Variants in CCDC60 observed in about 807,000 individuals in gnomAD.
CCDC60 encodes coiled-coil domain-containing protein 60.
In CCDC60, 54 loss-of-function variants were observed where a neutral mutation model predicts 63.5. The ratio of observed to expected loss-of-function variants is 0.85; its 90% CI spans 0.68 to 1.07. CCDC60 has a LOEUF of 1.07. Among genes scored for constraint, CCDC60 ranks in the 50% least tolerant of loss-of-function variants. The pLI is 0.00. For missense variants in CCDC60, 651 were observed against 684.3 expected (o/e 0.95, Z 0.54); for synonymous variants, 206 against 238.8 (o/e 0.86, Z 1.27).
At chr12:119,408,001 T>C (rs1480613598) in intron 1 of CCDC60, among the ~76,000 whole-genome samples, 2 of 152,208 alleles carry the variant, frequency 1.3e-5, no homozygotes, top group African/African-American at 2.4e-5. Flanking sequence ...CTTTATTTTA[T>C]TAGAAATAAA....
At chr12:119,383,701 T>C (rs1044727130) in intron 1 of CCDC60, among the ~76,000 whole-genome samples, 1 of 152,094 alleles carries the variant, frequency 6.6e-6, no homozygotes, top group African/African-American at 2.4e-5. Flanking sequence ...TACCATGAGA[T>C]TTCCTACATT....
chr12:119,417,085 A>G (rs1367386797), intron 1 of CCDC60, among the ~76,000 whole-genome samples: 1 of 152,124 alleles, frequency 6.6e-6, no homozygotes, highest in Non-Finnish European at 1.5e-5. Context: ...GCGCCATTGC[A>G]CTCCAGCCTG....
intron 1 of CCDC60, among the ~76,000 whole-genome samples, chr12:119,426,293 G>C (rs1481130504): frequency 1.3e-5 from 2 of 151,812 alleles, no homozygotes; most frequent in Non-Finnish European, 2.9e-5. Flanking sequence ...CATATGTTTT[G>C]TTTTGTTTTG....
intron 2 of CCDC60, among the ~76,000 whole-genome samples, chr12:119,446,198 T>G (rs1950539520): frequency 6.6e-6 from 1 of 152,168 alleles, no homozygotes; most frequent in Non-Finnish European, 1.5e-5. Flanking sequence ...GTCCATTAAA[T>G]AAAGCCATAT....
chr12:119,446,346 G>A (rs1278712204), intron 2 of CCDC60, among the ~76,000 whole-genome samples: 1 of 152,198 alleles, frequency 6.6e-6, no homozygotes, highest in Non-Finnish European at 1.5e-5. Context: ...CACAAGGATT[G>A]GGTGGAGATG....
intron 1 of CCDC60, among the ~76,000 whole-genome samples, chr12:119,337,123 C>G (rs910816801): frequency 2.0e-5 from 3 of 152,184 alleles, no homozygotes; most frequent in Non-Finnish European, 4.4e-5. Context: ...TAAGGCTTAA[C>G]CCATCTCTGT....
At position 119,507,573 on chromosome 12, in the gene CCDC60, TATATAC is replaced by T. The variant is rs1952063714; in HGVS notation, c.883+2272_883+2277del. On this transcript the variant is annotated intron_variant, in intron 7 of 13. Coordinates refer to ENST00000327554, the MANE Select transcript of CCDC60 (RefSeq NM_178499.5). ...ATACATATATATATATATATATGTATATATACACATATATATACATATATATATATA... is the reference window on the plus strand; with the variant it reads ...ATACATATATATATATATATATGTATACATATATATACATATATATATATA... Among the ~76,000 whole-genome samples the T allele has an allele frequency of 1.3e-3, 50 of 39,232 alleles. 1 individual carries two copies. Among genetic ancestry groups the T allele is most frequent in the African/African-American group, 9.0e-3 (45 of 4,992 alleles). The allele number at this position is 39,232 out of a possible 152,430, so 25.7% of individuals were successfully genotyped here. A position where few individuals can be genotyped will look rare whatever the true frequency, so the allele number is the denominator to read the frequency against.
At chr12:119,411,646 G>C (rs1346446671) in intron 1 of CCDC60, among the ~76,000 whole-genome samples, 1 of 152,140 alleles carries the variant, frequency 6.6e-6, no homozygotes, top group Non-Finnish European at 1.5e-5. Flanking sequence ...GAAGGAACCA[G>C]ACAGAGCTGG....
At chr12:119,349,194 C>A (rs935655851) in intron 1 of CCDC60, among the ~76,000 whole-genome samples, 1 of 151,978 alleles carries the variant, frequency 6.6e-6, no homozygotes, top group African/African-American at 2.4e-5. Flanking sequence ...AAAATATGCC[C>A]CCACTCTCAA....
At chr12:119,462,788 CTTCATTTATTTA>C (rs1317049672) in intron 2 of CCDC60, among the ~76,000 whole-genome samples, 1 of 139,666 alleles carries the variant, frequency 7.2e-6, no homozygotes, top group African/African-American at 2.6e-5. Context: ...GCCCAACTAA[CTTCATTTATTTA>C]TTTATTTATT....
At chr12:119,352,925 G>A (rs1329334107) in intron 1 of CCDC60, among the ~76,000 whole-genome samples, 1 of 151,856 alleles carries the variant, frequency 6.6e-6, no homozygotes, top group Admixed American at 6.6e-5. Context: ...GGGTAACAGA[G>A]TGAGACTCTG....
At chr12:119,535,308 C>T (rs1419026645) in intron 13 of CCDC60, among the ~76,000 whole-genome samples, 1 of 151,982 alleles carries the variant, frequency 6.6e-6, no homozygotes, top group Non-Finnish European at 1.5e-5. Flanking sequence ...TCTCTCTTTT[C>T]TTCTTTGTTA....
intron 2 of CCDC60, among the ~76,000 whole-genome samples, chr12:119,470,499 G>A (rs532056881): frequency 1.2e-4 from 18 of 152,204 alleles, no homozygotes; most frequent in African/African-American, 3.4e-4. Context: ...CCGACCTCCC[G>A]CCTCCCAGCA....
chr12:119,470,750 CT>C (rs1189723555), intron 2 of CCDC60, among the ~76,000 whole-genome samples: 1 of 152,142 alleles, frequency 6.6e-6, no homozygotes, highest in African/African-American at 2.4e-5. Context: ...CAGCCTCCCC[CT>C]AGTCTCAATT....
At chr12:119,503,637 C>G (rs1283461622) in intron 6 of CCDC60, among the ~76,000 whole-genome samples, 1 of 152,184 alleles carries the variant, frequency 6.6e-6, no homozygotes, top group East Asian at 1.9e-4. Context: ...CAGCCTCTCC[C>G]TCCTCTTCCC....
chr12:119,360,255 C>T (rs1955765000), intron 1 of CCDC60, among the ~76,000 whole-genome samples: 1 of 151,074 alleles, frequency 6.6e-6, no homozygotes, highest in Non-Finnish European at 1.5e-5. Context: ...AGAGGCGCCC[C>T]TCACCTCCCG....
chr12:119,415,114 C>T (rs1956676533), intron 1 of CCDC60, among the ~76,000 whole-genome samples: 1 of 152,140 alleles, frequency 6.6e-6, no homozygotes, highest in Admixed American at 6.5e-5. Context: ...TTTCCACTCA[C>T]TGATTAAAGG....
chr12:119,472,117 G>A lies in CCDC60; in HGVS notation c.294G>A (p.Gln98=). 6.2e-7 allele frequency: 1 copy of A among 1,614,180 alleles called. No individual in the cohort carries two copies. Among genetic ancestry groups the A allele is most frequent in the Non-Finnish European group, 8.5e-7 (1 of 1,180,034 alleles). ...KLKEEERNKF[Q]PAEKISEIHY... ...AAGAGGAGGAAAGAAATAAATTCCA[G>A]CCAGCCGAAAAGATCTCAGAAATCC... The change falls in exon 3 of 14, where the codon CAG becomes CAA. Residue 98 remains glutamine (Q), a synonymous_variant. Coordinates refer to ENST00000327554, the MANE Select transcript of CCDC60 (RefSeq NM_178499.5).
intron 12 of CCDC60, among the ~76,000 whole-genome samples, chr12:119,529,782 G>A (rs113433280): frequency 6.6e-6 from 1 of 152,128 alleles, no homozygotes; most frequent in African/African-American, 2.4e-5. Context: ...GAATTTGGGG[G>A]GAGGAGGAAA....
Sources: allele counts gnomAD v4.1 joint callset (sites outside exome capture counted in the v4.1 genomes callset), GRCh38; gene constraint gnomAD v4.1.1; transcripts MANE v1.5; gene names NCBI Gene and HGNC (gene_info 2026-07-23, HGNC 2026-07-21).